COL5A1: variants seen among roughly 807,000 people sequenced by gnomAD.
COL5A1 encodes collagen type V alpha 1 chain.
Under a neutral mutation model 263.7 loss-of-function variants are expected in COL5A1, and 16 were observed. The ratio of observed to expected loss-of-function variants is 0.06; its 90% CI spans 0.04 to 0.09. The LOEUF is 0.09. Ranked by LOEUF, COL5A1 falls within the 10% of genes least tolerant of loss-of-function variation. The pLI, the probability that COL5A1 is intolerant of heterozygous loss-of-function variation, is 1.00. For missense variants in COL5A1, 2,036 were observed against 2,540.5 expected (o/e 0.80, Z 4.27); for synonymous variants, 1,012 against 1,004.5 (o/e 1.01, Z -0.14).
Position 134,809,210 on chromosome 9 carries a change from G to A in COL5A1, c.3394G>A (p.Gly1132Ser). 6.3e-7 allele frequency: 1 copy of A among 1,596,448 alleles called. No individual in the cohort carries two copies. Among genetic ancestry groups the A allele is most frequent in the South Asian group, 1.1e-5 (1 of 88,158 alleles). ...PGEKGPQGPA[G>S]RDGLQGPVGL... ...CGAGAAAGGCCCACAAGGCCCAGCTGGCCGAGACGGTCTCCAGGGGCCTGT... is the reference window on the plus strand; with the variant it reads ...CGAGAAAGGCCCACAAGGCCCAGCTAGCCGAGACGGTCTCCAGGGGCCTGT... The change falls in exon 43 of 66, where the codon GGC (glycine) becomes AGC (serine). Residue 1132 changes from glycine to serine, a missense_variant. Gly to Ser is a moderately conservative substitution (Grantham distance 56). Coordinates refer to ENST00000371817, the MANE Select transcript of COL5A1 (RefSeq NM_000093.5).
chr9:134,755,483 G>A lies in COL5A1; in HGVS notation c.1827+1157G>A, dbSNP rs1270625348. 6.6e-6 allele frequency among the ~76,000 whole-genome samples: 1 copy of A among 152,232 alleles called. No individual in the cohort carries two copies. The highest frequency in any genetic ancestry group is 1.5e-5 in the Non-Finnish European group (1 of 68,038). On this transcript the variant is annotated intron_variant, in intron 16 of 65. Transcript: ENST00000371817. This position sits in a 1 kb window ranked among gnomAD's most constrained non-coding sequence, Gnocchi z 4.1. ...CCAGAAGATCTGCTGCAGAAGAAAA[G>A]ATGGTGGTGAGAGAGGGGCTTGGAG...
At position 134,765,645 on chromosome 9, in the gene COL5A1, C is replaced by G; in HGVS notation, c.2035-36C>G. 6.3e-7 allele frequency: 1 copy of G among 1,598,300 alleles called. No homozygotes were observed. On this transcript the variant is annotated intron_variant, in intron 20 of 65. Coordinates refer to ENST00000371817, the MANE Select transcript of COL5A1 (RefSeq NM_000093.5). This position sits in a 1 kb window ranked among gnomAD's most constrained non-coding sequence, Gnocchi z 5.1. ...CAGAGAGGAGGGCTGGGATTTCTGC[C>G]CGAGTTTAAATCCTATTTTCCCTTT...
chr9:134,822,908 G>A (rs1261441432), intron 59 of COL5A1, 90 bp from the exon 60 acceptor site: 1 of 1,459,828 alleles, frequency 6.9e-7, no homozygotes, highest in Non-Finnish European at 9.6e-7. Flanking sequence ...AGAGGGGCGA[G>A]GGGCGAGACC....
At chr9:134,792,124 C>T (rs866635918) in intron 32 of COL5A1, among the ~76,000 whole-genome samples, 5 of 152,328 alleles carry the variant, frequency 3.3e-5, no homozygotes, top group East Asian at 1.9e-4. Context: ...GGCACAGGGC[C>T]GAGCCCGGCA....
At chr9:134,824,099 C>T (rs954592671) in intron 61 of COL5A1, among the ~76,000 whole-genome samples, 2 of 152,124 alleles carry the variant, frequency 1.3e-5, no homozygotes, top group Non-Finnish European at 2.9e-5. Flanking sequence ...CAGGGCATGG[C>T]GAGTGCACTA....
chr9:134,685,675 CCACCA>C (rs1186888972), intron 1 of COL5A1, among the ~76,000 whole-genome samples: 1 of 150,128 alleles, frequency 6.7e-6, no homozygotes. Context: ...CACCATCCAT[CCACCA>C]TCCATCCACC....
At chr9:134,783,153 G>A (rs777531853) in intron 29 of COL5A1, among the ~76,000 whole-genome samples, 14 of 152,210 alleles carry the variant, frequency 9.2e-5, no homozygotes, top group Non-Finnish European at 2.1e-4. Flanking sequence ...CACGGCCGGC[G>A]CCCACAGGGC....
At chr9:134,713,501 G>A (rs1364246993) in intron 4 of COL5A1, among the ~76,000 whole-genome samples, 3 of 152,246 alleles carry the variant, frequency 2.0e-5, no homozygotes, top group African/African-American at 7.2e-5. Flanking sequence ...TTGGTTGACA[G>A]AATGAAGACT....
chr9:134,788,585 G>A (rs1318231294), intron 31 of COL5A1, among the ~76,000 whole-genome samples: 2 of 141,004 alleles, frequency 1.4e-5, no homozygotes, highest in Admixed American at 7.0e-5. Context: ...AGGTGGGTGG[G>A]TGGGTAGGTG....
chr9:134,812,569 T>C, intron 47 of COL5A1, 36 bp from the exon 48 acceptor site: 1 of 1,611,866 alleles, frequency 6.2e-7, no homozygotes, highest in Middle Eastern at 1.6e-4. Context: ...AACATTTGCG[T>C]TTCCTCTGGG....
At chr9:134,774,939 T>A in intron 27 of COL5A1, 27 bp downstream of exon 27, 1 of 1,607,482 alleles carries the variant, frequency 6.2e-7, no homozygotes, top group Non-Finnish European at 8.5e-7. Flanking sequence ...CCACTCCAGG[T>A]CGTCCTGGAG....
intron 11 of COL5A1, among the ~76,000 whole-genome samples, chr9:134,745,673 C>G (rs894694008): frequency 3.3e-5 from 5 of 152,170 alleles, no homozygotes; most frequent in Non-Finnish European, 7.3e-5. Context: ...TAGGAACCCT[C>G]TCAATGAACG....
chr9:134,794,868 G>A lies in COL5A1; in HGVS notation c.2701-214G>A. ...AAAATTGGATTTCAGCAGGACTTGT[G>A]CAGGAGTGCAAAGCTGTGTGTGTCG... On this transcript the variant is annotated intron_variant, in intron 32 of 65. Coordinates refer to ENST00000371817, the MANE Select transcript of COL5A1 (RefSeq NM_000093.5). The surrounding 1 kb of genome is among the most constrained non-coding windows in gnomAD (Gnocchi z 4.3). Among the ~76,000 whole-genome samples, 1 of 152,204 alleles carries A rather than the reference G, an allele frequency of 6.6e-6. No homozygotes were observed. The highest frequency in any genetic ancestry group is 1.9e-4 in the East Asian group (1 of 5,192).
At chr9:134,831,882 A>C (rs1839645302) in intron 64 of COL5A1, among the ~76,000 whole-genome samples, 1 of 152,184 alleles carries the variant, frequency 6.6e-6, no homozygotes. Flanking sequence ...GGAACACATC[A>C]GCTTACTTTA....
intron 64 of COL5A1, among the ~76,000 whole-genome samples, chr9:134,830,694 G>A (rs1212862926): frequency 6.6e-6 from 1 of 152,206 alleles, no homozygotes; most frequent in Non-Finnish European, 1.5e-5. Context: ...ACCACTGTAC[G>A]AGTCACGTTT....
intron 64 of COL5A1, among the ~76,000 whole-genome samples, chr9:134,833,739 G>A (rs577329216): frequency 1.3e-4 from 20 of 152,344 alleles, no homozygotes; most frequent in African/African-American, 4.3e-4. Flanking sequence ...CTCGTGCCCC[G>A]TGGCTCCAGC....
In COL5A1 at chr9:134,765,825, C is replaced by T. The variant is rs111995030; in HGVS notation, c.2088+91C>T. The T allele has an allele frequency of 6.1e-3, 6,715 of 1,103,940 alleles. 280 individuals are homozygous for T. In the African/African-American group the frequency reaches 0.09, roughly 15 times the overall value. The allele number at this position is 1,103,940 out of a possible 1,614,324, so 68.4% of individuals were successfully genotyped here. A position where few individuals can be genotyped will look rare whatever the true frequency, so the allele number is the denominator to read the frequency against. ...GGTGGACGCTTGGGCACTGGGGCAGCAAGTCCGTGCTGGCCCCTCTGGCGC... is the reference window on the plus strand; with the variant it reads ...GGTGGACGCTTGGGCACTGGGGCAGTAAGTCCGTGCTGGCCCCTCTGGCGC... On this transcript the variant is annotated intron_variant, in intron 21 of 65. Transcript: ENST00000371817. This position sits in a 1 kb window ranked among gnomAD's most constrained non-coding sequence, Gnocchi z 5.1.
intron 25 of COL5A1, among the ~76,000 whole-genome samples, chr9:134,769,625 C>T (rs980855229): frequency 2.6e-5 from 4 of 152,252 alleles, no homozygotes; most frequent in Non-Finnish European, 4.4e-5. Context: ...GTGCTGCTGG[C>T]TGTGGTGTCC....
At chr9:134,753,703 C>A (rs555255480) in intron 14 of COL5A1, 147 bp from the exon 15 acceptor site, 3 of 675,632 alleles carry the variant, frequency 4.4e-6, no homozygotes, top group Admixed American at 2.1e-5. Context: ...CGGTTCTGTT[C>A]GAGGCAGACA....
Sources: gnomAD v4.1 joint callset for allele counts (sites outside exome capture counted in the v4.1 genomes callset) on GRCh38, gnomAD v4.1.1 for gene constraint, Gnocchi (gnomAD v3.1) non-coding constraint, MANE v1.5 for transcripts, NCBI Gene and HGNC (gene_info 2026-07-23, HGNC 2026-07-21) for gene names.